EHBP1: variants seen among roughly 807,000 people sequenced by gnomAD.
The protein encoded by EHBP1 is EH domain binding protein 1, also known as EH domain-binding protein 1.
EHBP1 carries 55 observed loss-of-function variants against 144.0 expected under a neutral mutation model. The observed-to-expected ratio is 0.38, with a 90% CI of 0.31 to 0.48. The LOEUF (loss-of-function observed/expected upper bound fraction) is 0.48, where lower values mean the gene tolerates loss of function less well. Among genes scored for constraint, EHBP1 ranks in the 20% least tolerant of loss-of-function variants. The pLI is 0.98. For missense variants in EHBP1, 1,200 were observed against 1,364.2 expected (o/e 0.88, Z 1.90); for synonymous variants, 469 against 472.7 (o/e 0.99, Z 0.10).
chr2:62,988,063 G>T lies in EHBP1; in HGVS notation c.2609-2653G>T, dbSNP rs112638337. On this transcript the variant is annotated intron_variant, in intron 15 of 22. Coordinates refer to ENST00000431489, the MANE Select transcript of EHBP1 (RefSeq NM_001142616.3). ...GGTAATTTCAAATTATAAATGTTTT[G>T]TGTCCTGCTGCATGGCAAACTTTAT... 8 of 1,327,684 alleles carry T rather than the reference G, an allele frequency of 6.0e-6. No homozygotes were observed. In the African/African-American group the frequency reaches 8.7e-5, roughly 14 times the overall value. The allele number at this position is 1,327,684 out of a possible 1,614,324, so 82.2% of individuals were successfully genotyped here.
intron 10 of EHBP1, among the ~76,000 whole-genome samples, chr2:62,903,486 G>C (rs1419047170): frequency 6.6e-6 from 1 of 152,192 alleles, no homozygotes; most frequent in Non-Finnish European, 1.5e-5. Flanking sequence ...AGTCAGGCCA[G>C]GTGCAGTGAC....
intron 7 of EHBP1, 34 bp from the exon 8 acceptor site, chr2:62,859,135 A>G (rs377704542): frequency 5.8e-5 from 92 of 1,578,846 alleles, no homozygotes; most frequent in Non-Finnish European, 6.8e-5. Context: ...ACACTTAACC[A>G]TAATAGGGAA....
At chr2:62,936,454 A>G (rs1272515007) in intron 10 of EHBP1, among the ~76,000 whole-genome samples, 2 of 152,072 alleles carry the variant, frequency 1.3e-5, no homozygotes, top group African/African-American at 4.8e-5. Flanking sequence ...TAGGTACTAT[A>G]TTATTATTTT....
intron 7 of EHBP1, among the ~76,000 whole-genome samples, chr2:62,845,445 T>C (rs144533329): frequency 2.0e-5 from 3 of 152,300 alleles, no homozygotes; most frequent in African/African-American, 2.4e-5. Flanking sequence ...GTAGAGGAGA[T>C]ACCAATTACA....
At chr2:62,849,829 G>T (rs2048555127) in intron 7 of EHBP1, among the ~76,000 whole-genome samples, 1 of 152,172 alleles carries the variant, frequency 6.6e-6, no homozygotes, top group Admixed American at 6.5e-5. Context: ...TATATTAAGT[G>T]TGTGAGGGGA....
chr2:62,840,365 A>T (rs2152712157), intron 7 of EHBP1, among the ~76,000 whole-genome samples: 1 of 128,228 alleles, frequency 7.8e-6, no homozygotes, highest in African/African-American at 2.9e-5. Context: ...CTGAAACATA[A>T]GACCTAAAAC....
intron 19 of EHBP1, among the ~76,000 whole-genome samples, chr2:63,024,332 G>A (rs1273681206): frequency 2.0e-5 from 3 of 152,116 alleles, no homozygotes; most frequent in Admixed American, 6.6e-5. Flanking sequence ...TGACAAGAGC[G>A]AGACTCCGTC....
At chr2:63,005,309 G>T (rs1163391927) in intron 19 of EHBP1, among the ~76,000 whole-genome samples, 1 of 152,050 alleles carries the variant, frequency 6.6e-6, no homozygotes, top group African/African-American at 2.4e-5. Context: ...GTGGAGAAAA[G>T]ATGCCTGATG....
intron 5 of EHBP1, among the ~76,000 whole-genome samples, chr2:62,811,710 G>A (rs1299373705): frequency 6.6e-6 from 1 of 152,176 alleles, no homozygotes; most frequent in Admixed American, 6.5e-5. Context: ...TTGCATTGGG[G>A]TGACAAGTTG....
chr2:62,793,244 A>G (rs2043290320), intron 5 of EHBP1, among the ~76,000 whole-genome samples: 1 of 152,122 alleles, frequency 6.6e-6, no homozygotes, highest in Admixed American at 6.6e-5. Context: ...ATAAAAGATC[A>G]ATGTGTTTAT....
intron 9 of EHBP1, among the ~76,000 whole-genome samples, chr2:62,868,508 CT>C (rs1314317061): frequency 6.6e-6 from 1 of 152,158 alleles, no homozygotes; most frequent in African/African-American, 2.4e-5. Flanking sequence ...TTAATTTGTA[CT>C]TCATCAATAT....
At chr2:62,922,216 T>C (rs2055148067) in intron 10 of EHBP1, among the ~76,000 whole-genome samples, 1 of 152,116 alleles carries the variant, frequency 6.6e-6, no homozygotes, top group East Asian at 1.9e-4. Flanking sequence ...TATTCAGTAT[T>C]AAAGGTCTTT....
At chr2:62,753,875 A>T (rs2039999235) in intron 3 of EHBP1, among the ~76,000 whole-genome samples, 1 of 152,162 alleles carries the variant, frequency 6.6e-6, no homozygotes, top group African/African-American at 2.4e-5. Flanking sequence ...TACACTGGTT[A>T]TTCTAGTTAG....
At chr2:62,895,948 G>A (rs2052887336) in intron 10 of EHBP1, among the ~76,000 whole-genome samples, 1 of 152,088 alleles carries the variant, frequency 6.6e-6, no homozygotes, top group South Asian at 2.1e-4. Context: ...CTTAACAATG[G>A]TTAAATTAGT....
chr2:63,022,055 C>T (rs1033928134), intron 19 of EHBP1, among the ~76,000 whole-genome samples: 7 of 151,982 alleles, frequency 4.6e-5, no homozygotes, highest in African/African-American at 1.5e-4. Flanking sequence ...AGTGAGCCAC[C>T]GCGCCCGGCA....
intron 3 of EHBP1, among the ~76,000 whole-genome samples, chr2:62,759,442 G>A (rs2040579083): frequency 6.6e-6 from 1 of 152,070 alleles, no homozygotes; most frequent in Non-Finnish European, 1.5e-5. Flanking sequence ...GTCTCGCTCT[G>A]TCATCTAGGC....
chr2:63,007,649 G>A (rs989205268), intron 19 of EHBP1, among the ~76,000 whole-genome samples: 1 of 151,552 alleles, frequency 6.6e-6, no homozygotes, highest in African/African-American at 2.4e-5. Flanking sequence ...CGTGTATATC[G>A]CATTGTGCCT....
intron 1 of EHBP1, among the ~76,000 whole-genome samples, chr2:62,676,924 A>C (rs995413629): frequency 1.4e-4 from 21 of 152,248 alleles, no homozygotes; most frequent in Admixed American, 5.2e-4. Context: ...CTATAATGCC[A>C]GCACTTTGGG....
intron 3 of EHBP1, among the ~76,000 whole-genome samples, chr2:62,756,651 C>T (rs2040308779): frequency 6.6e-6 from 1 of 151,850 alleles, no homozygotes; most frequent in African/African-American, 2.4e-5. Flanking sequence ...TGCTTGTAAT[C>T]CCAGCTACGC....
Sources: allele counts gnomAD v4.1 joint callset (sites outside exome capture counted in the v4.1 genomes callset), GRCh38; gene constraint gnomAD v4.1.1; transcripts MANE v1.5; gene names NCBI Gene and HGNC (gene_info 2026-07-23, HGNC 2026-07-21).